Variants in NCOA2 observed in about 807,000 individuals in gnomAD.
NCOA2 encodes the protein class E basic helix-loop-helix protein 75.
NCOA2 carries 21 observed loss-of-function variants against 145.1 expected under a neutral mutation model. The observed-to-expected ratio is 0.14, with a 90% confidence interval of 0.10 to 0.21. NCOA2 has a LOEUF of 0.21. Ranked by LOEUF, NCOA2 falls within the 10% of genes least tolerant of loss-of-function variation. The probability of loss-of-function intolerance (pLI) is 1.00; values close to 1 mark genes in which losing one functional copy is unlikely to be tolerated. For missense variants in NCOA2, 1,472 were observed against 1,837.6 expected (o/e 0.80, Z 3.64); for synonymous variants, 619 against 637.5 (o/e 0.97, Z 0.44).
chr8:70,303,243 T>G (rs1827639084), intron 1 of NCOA2, among the ~76,000 whole-genome samples: 1 of 152,080 alleles, frequency 6.6e-6, no homozygotes, highest in Non-Finnish European at 1.5e-5. Flanking sequence ...GAAAGGAGGA[T>G]GGGAGACTGG....
intron 13 of NCOA2, among the ~76,000 whole-genome samples, chr8:70,141,649 G>A (rs191337040): frequency 1.6e-3 from 248 of 152,222 alleles, no homozygotes; most frequent in Admixed American, 3.3e-3. Flanking sequence ...GTTCCCATTT[G>A]TACTTAGAAA....
chr8:70,353,414 C>T lies in NCOA2; in HGVS notation c.-77+50286G>A, dbSNP rs79462618. Among the ~76,000 whole-genome samples the T allele has an allele frequency of 3.4e-4, 51 of 149,166 alleles. No homozygotes were observed. The East Asian group carries it at 5.0e-3, about 15-fold the overall frequency. On this transcript the variant is annotated intron_variant, in intron 1 of 22. Coordinates refer to ENST00000452400, the MANE Select transcript of NCOA2 (RefSeq NM_006540.4). ...AAAGGGGGGTGCCACCATGCCTGGC[C>T]AAACATTATGTTTATAAGCCAACTT...
At chr8:70,429,987 G>A in the NCOA2 span, among the ~76,000 whole-genome samples, 3 of 152,048 alleles carry the variant, frequency 2.0e-5, no homozygotes, top group Non-Finnish European at 4.4e-5. Flanking sequence ...CGAGCAGCAG[G>A]GATTACAGGA....
the NCOA2 span, among the ~76,000 whole-genome samples, chr8:70,422,703 A>G: frequency 6.6e-6 from 1 of 152,080 alleles, no homozygotes; most frequent in Admixed American, 6.5e-5. Context: ...GAGCCTGGCC[A>G]AAATGCTGTT....
At chr8:70,151,769 A>G (rs1811781947) in intron 11 of NCOA2, among the ~76,000 whole-genome samples, 1 of 152,164 alleles carries the variant, frequency 6.6e-6, no homozygotes, top group Admixed American at 6.5e-5. Context: ...TTCCTTGTCA[A>G]TTTATGGAGT....
chr8:70,156,476 C>T lies in NCOA2; in HGVS notation c.1889G>A (p.Ser630Asn). The change falls in exon 11 of 23, where the codon AGC becomes AAC. Residue 630 changes from serine to asparagine, a missense_variant. Coordinates refer to ENST00000452400, the MANE Select transcript of NCOA2 (RefSeq NM_006540.4). ...AVSSERADGQSRLHDSKGQTK... is the reference protein window; with the variant it reads ...AVSSERADGQNRLHDSKGQTK... ...CTGCCCTTTGCTGTCATGCAGTCTG[C>T]TCTGCCCGTCAGCTCTCTCACTGCT... 1.2e-6 allele frequency: 2 copies of T among 1,613,906 alleles called. No individual in the cohort carries two copies. Among genetic ancestry groups the T allele is most frequent in the Non-Finnish European group, 1.7e-6 (2 of 1,179,880 alleles).
At chr8:70,350,569 T>C (rs907082179) in intron 1 of NCOA2, among the ~76,000 whole-genome samples, 1 of 152,226 alleles carries the variant, frequency 6.6e-6, no homozygotes, top group South Asian at 2.1e-4. Context: ...ATTCCATGAA[T>C]AAACATTTCT....
intron 4 of NCOA2, among the ~76,000 whole-genome samples, chr8:70,177,809 A>G (rs1815037455): frequency 6.6e-6 from 1 of 152,210 alleles, no homozygotes; most frequent in African/African-American, 2.4e-5. Flanking sequence ...TCACAAAGGC[A>G]ACCCTGTGCC....
At chr8:70,272,598 G>C (rs1825137288) in intron 2 of NCOA2, among the ~76,000 whole-genome samples, 1 of 152,100 alleles carries the variant, frequency 6.6e-6, no homozygotes, top group African/African-American at 2.4e-5. Context: ...ACAAAAGTCA[G>C]ATTATAAGTC....
intron 4 of NCOA2, among the ~76,000 whole-genome samples, chr8:70,202,482 T>C (rs532801021): frequency 6.6e-6 from 1 of 152,218 alleles, no homozygotes; most frequent in African/African-American, 2.4e-5. Context: ...AAATGTGGTA[T>C]ATAACACAGT....
intron 4 of NCOA2, among the ~76,000 whole-genome samples, chr8:70,206,839 C>G (rs1818491593): frequency 1.3e-5 from 2 of 152,346 alleles, no homozygotes; most frequent in South Asian, 2.1e-4. Context: ...AGTGCCTCTC[C>G]TCACGCCCAG....
chr8:70,140,196 C>T (rs930047001), intron 14 of NCOA2, among the ~76,000 whole-genome samples: 1 of 152,224 alleles, frequency 6.6e-6, no homozygotes, highest in South Asian at 2.1e-4. Context: ...ACACCACAAT[C>T]GACTTCAGAA....
chr8:70,401,549 CT>C (rs568074079), intron 1 of NCOA2, among the ~76,000 whole-genome samples: 9 of 148,430 alleles, frequency 6.1e-5, no homozygotes, highest in East Asian at 1.9e-4. Flanking sequence ...TAAACCACAA[CT>C]TTTTTTTTTA....
chr8:70,162,174 G>A (rs544367162), intron 9 of NCOA2, among the ~76,000 whole-genome samples: 2 of 152,270 alleles, frequency 1.3e-5, no homozygotes, highest in Admixed American at 1.3e-4. Context: ...GCTCAATAAG[G>A]GCTGCTGTTA....
intron 1 of NCOA2, among the ~76,000 whole-genome samples, chr8:70,345,902 A>G (rs1350101332): frequency 6.6e-6 from 1 of 152,150 alleles, no homozygotes; most frequent in Non-Finnish European, 1.5e-5. Context: ...CAGCACACCA[A>G]ACAGGAACTC....
intron 1 of NCOA2, among the ~76,000 whole-genome samples, chr8:70,381,526 A>G (rs182430778): frequency 1.3e-5 from 2 of 152,354 alleles, no homozygotes; most frequent in Admixed American, 1.3e-4. Flanking sequence ...AATGCTACAT[A>G]AGCACTAATA....
At chr8:70,409,725 C>G in the NCOA2 span, among the ~76,000 whole-genome samples, 3 of 151,956 alleles carry the variant, frequency 2.0e-5, no homozygotes, top group African/African-American at 7.3e-5. Flanking sequence ...AATAAAAAAG[C>G]CAGGTGTGGT....
Position 70,299,757 on chromosome 8 carries a change from TC to T in NCOA2, c.-76-2958del, listed in dbSNP as rs533337212. 1.2e-4 allele frequency among the ~76,000 whole-genome samples: 18 copies of T among 152,318 alleles called. No individual in the cohort carries two copies. In the South Asian group the frequency reaches 3.7e-3, roughly 32 times the overall value. On this transcript the variant is annotated intron_variant, in intron 1 of 22. Coordinates refer to ENST00000452400, the MANE Select transcript of NCOA2 (RefSeq NM_006540.4). Reference sequence around the variant, plus strand: ...TTTGGGAAAACAGTTTGGAAGTTTCTCACTACACAATGCAATTTTATCCCTG... The same window carrying T: ...TTTGGGAAAACAGTTTGGAAGTTTCTACTACACAATGCAATTTTATCCCTG...
the NCOA2 span, among the ~76,000 whole-genome samples, chr8:70,432,271 T>C: frequency 6.6e-6 from 1 of 152,232 alleles, no homozygotes; most frequent in African/African-American, 2.4e-5. Flanking sequence ...GATTTACAAA[T>C]GAAATATTTC....
Sources: gnomAD v4.1 joint callset for allele counts (sites outside exome capture counted in the v4.1 genomes callset) on GRCh38, gnomAD v4.1.1 for gene constraint, MANE v1.5 for transcripts, NCBI Gene and HGNC (gene_info 2026-07-23, HGNC 2026-07-21) for gene names.